Variants in TBC1D4 observed in about 807,000 individuals in gnomAD.
The protein encoded by TBC1D4 is TBC1 domain family member 4, also known as TBC (Tre-2, BUB2, CDC16) domain-containing protein.
Under a neutral mutation model 142.5 loss-of-function variants are expected in TBC1D4, and 121 were observed. The ratio of observed to expected loss-of-function variants is 0.85; its 90% CI spans 0.73 to 0.99. The LOEUF (loss-of-function observed/expected upper bound fraction) is 0.99, where lower values mean the gene tolerates loss of function less well. Ranked by LOEUF, TBC1D4 falls within the 50% of genes least tolerant of loss-of-function variation. The pLI is 0.00. For missense variants in TBC1D4, 1,475 were observed against 1,606.6 expected, an observed-to-expected ratio of 0.92 and a Z score of 1.40; for synonymous variants, 630 against 628.2, an observed-to-expected ratio of 1.00 and a Z score of -0.04.
Position 75,302,305 on chromosome 13 carries a change from A to ATAAACAAC in TBC1D4, c.2848_2849insGTTGTTTA (p.Ile950SerfsTer10). On this transcript the variant is annotated frameshift_variant, in exon 16 of 21. Coordinates refer to ENST00000377636, the MANE Select transcript of TBC1D4 (RefSeq NM_014832.5). LOFTEE classifies it high-confidence loss of function. ...CTGCTTCAAAAGTTCCTTATAGGAT[A>ATAAACAAC]TGTCAGGAGGCTGTTGTTTATTAGG... The ATAAACAAC allele has an allele frequency of 6.2e-7, 1 of 1,614,232 alleles. No homozygotes were observed. The highest frequency in any genetic ancestry group is 8.5e-7 in the Non-Finnish European group (1 of 1,180,048).
intron 3 of TBC1D4, among the ~76,000 whole-genome samples, chr13:75,358,271 C>G (rs548018332): frequency 3.8e-4 from 58 of 152,302 alleles, no homozygotes; most frequent in Admixed American, 1.0e-3. Context: ...GACACCACAG[C>G]CTTAGACACC....
At chr13:75,343,203 T>C (rs1219864672) in intron 5 of TBC1D4, among the ~76,000 whole-genome samples, 5 of 152,234 alleles carry the variant, frequency 3.3e-5, no homozygotes, top group African/African-American at 1.2e-4. Context: ...ATTAAATAAC[T>C]ATCAAGATCT....
At chr13:75,410,708 G>A (rs369019767) in intron 1 of TBC1D4, among the ~76,000 whole-genome samples, 1,917 of 151,866 alleles carry the variant, frequency 0.013, 45 homozygotes, top group African/African-American at 0.043. Flanking sequence ...AGGCCGAGGC[G>A]GGCGGATCAC....
Position 75,306,506 on chromosome 13 carries a change from G to T in TBC1D4, c.2594-35C>A, listed in dbSNP as rs771640992. 1.9e-6 allele frequency: 3 copies of T among 1,610,040 alleles called. No homozygotes were observed. The South Asian group carries it at 3.3e-5, about 18-fold the overall frequency. ...AAAACAATTTACGTAAGACCAATGTGTTTTTCAAATGTAAAACTTTAGACG... is the reference window on the plus strand; with the variant it reads ...AAAACAATTTACGTAAGACCAATGTTTTTTTCAAATGTAAAACTTTAGACG... On this transcript the variant is annotated intron_variant, in intron 14 of 20. Coordinates refer to ENST00000377636, the MANE Select transcript of TBC1D4 (RefSeq NM_014832.5).
chr13:75,326,555 C>T (rs1879285510), intron 9 of TBC1D4, 132 bp from the exon 10 acceptor site: 1 of 928,852 alleles, frequency 1.1e-6, no homozygotes, highest in Non-Finnish European at 1.7e-6. Flanking sequence ...TTTCCTCCCC[C>T]TTTTACTTAA....
intron 4 of TBC1D4, 111 bp downstream of exon 4, chr13:75,356,033 CCTT>C (rs1451632049): frequency 3.8e-6 from 3 of 791,394 alleles, no homozygotes; most frequent in African/African-American, 3.4e-5. Flanking sequence ...TTTCTAGACG[CCTT>C]CTTCTTTTCC....
chr13:75,344,375 T>C (rs536895919), intron 5 of TBC1D4, among the ~76,000 whole-genome samples: 90 of 152,342 alleles, frequency 5.9e-4, no homozygotes, highest in South Asian at 3.7e-3. Context: ...GTCCTCTATG[T>C]TAGTCAAAGA....
At position 75,320,909 on chromosome 13, in the gene TBC1D4, G is replaced by A. The variant is rs551521817; in HGVS notation, c.2199-872C>T. ...AAAAAAATTAGCCGGGCATGGTGGC[G>A]GGCGCCTGTAGTCCCAGCTACTCAG... On this transcript the variant is annotated intron_variant, in intron 11 of 20. Transcript: ENST00000377636. Among the ~76,000 whole-genome samples, 82 of 150,532 alleles carry A rather than the reference G, an allele frequency of 5.4e-4. 1 individual carries two copies. Among genetic ancestry groups the A allele is most frequent in the African/African-American group, 1.7e-3 (69 of 41,058 alleles).
rs558027945 is a variant in TBC1D4, at chr13:75,386,732, A to T, written c.499-24125T>A. On this transcript the variant is annotated intron_variant, in intron 1 of 20. Transcript: ENST00000377636. ...TAAAACCATAAAGACAAGTACAAATAAAAAAAACACTCATCCAGAGAATAC... is the reference window on the plus strand; with the variant it reads ...TAAAACCATAAAGACAAGTACAAATTAAAAAAACACTCATCCAGAGAATAC... Among the ~76,000 whole-genome samples the T allele has an allele frequency of 6.6e-5, 10 of 151,484 alleles. 1 individual carries two copies. In the South Asian group the frequency reaches 8.3e-4, roughly 13 times the overall value.
At chr13:75,315,882 G>C (rs1003478720) in intron 12 of TBC1D4, among the ~76,000 whole-genome samples, 2 of 152,096 alleles carry the variant, frequency 1.3e-5, no homozygotes, top group Non-Finnish European at 2.9e-5. Context: ...TATTGACCAT[G>C]ACAATGTTGT....
intron 1 of TBC1D4, among the ~76,000 whole-genome samples, chr13:75,475,245 T>C (rs1225821798): frequency 6.6e-6 from 1 of 152,230 alleles, no homozygotes; most frequent in Non-Finnish European, 1.5e-5. Flanking sequence ...TTTGTATACA[T>C]ATTTTATGCA....
chr13:75,422,780 G>A (rs1332784850), intron 1 of TBC1D4, among the ~76,000 whole-genome samples: 1 of 152,098 alleles, frequency 6.6e-6, no homozygotes, highest in African/African-American at 2.4e-5. Context: ...ACTTCTAAAT[G>A]TCACAGAATA....
chr13:75,403,810 A>C (rs1347961586), intron 1 of TBC1D4, among the ~76,000 whole-genome samples: 2 of 152,206 alleles, frequency 1.3e-5, no homozygotes, highest in Non-Finnish European at 2.9e-5. Flanking sequence ...AGAAAAACAC[A>C]GGCTCAAGTG....
intron 1 of TBC1D4, among the ~76,000 whole-genome samples, chr13:75,407,076 C>T (rs1384941149): frequency 2.6e-5 from 4 of 152,138 alleles, no homozygotes; most frequent in African/African-American, 9.7e-5. Flanking sequence ...GATCTGCATG[C>T]ATAAGGAGGA....
At chr13:75,371,544 T>C (rs1040545798) in intron 1 of TBC1D4, among the ~76,000 whole-genome samples, 1 of 152,188 alleles carries the variant, frequency 6.6e-6, no homozygotes, top group Non-Finnish European at 1.5e-5. Context: ...AAGATGAGGA[T>C]GGGGAAGAAG....
At chr13:75,430,897 A>G (rs1202001402) in intron 1 of TBC1D4, among the ~76,000 whole-genome samples, 1 of 152,050 alleles carries the variant, frequency 6.6e-6, no homozygotes. Flanking sequence ...TCCACCCACA[A>G]TCTTGCCAGT....
At chr13:75,345,223 G>T (rs1233306491) in intron 5 of TBC1D4, among the ~76,000 whole-genome samples, 2 of 152,144 alleles carry the variant, frequency 1.3e-5, no homozygotes, top group Non-Finnish European at 2.9e-5. Flanking sequence ...AAGAGATTCA[G>T]TTTTTTTCAT....
intron 1 of TBC1D4, among the ~76,000 whole-genome samples, chr13:75,464,252 T>C (rs1436426214): frequency 6.6e-6 from 1 of 152,206 alleles, no homozygotes; most frequent in Non-Finnish European, 1.5e-5. Flanking sequence ...TCTGCAGCAC[T>C]GTGACATGTT....
At position 75,409,426 on chromosome 13, in the gene TBC1D4, G is replaced by A. The variant is rs558467650; in HGVS notation, c.499-46819C>T. 8.4e-4 allele frequency among the ~76,000 whole-genome samples: 128 copies of A among 152,234 alleles called. 1 individual carries two copies. The highest frequency in any genetic ancestry group is 2.9e-3 in the African/African-American group (119 of 41,542). On this transcript the variant is annotated intron_variant, in intron 1 of 20. Transcript: ENST00000377636. ...ATAGGAAAGTAATGGCTGGGTTCAC[G>A]ATTAATCTGTTCTTCCATTTCAGTA...
Sources: gnomAD v4.1 joint callset for allele counts (sites outside exome capture counted in the v4.1 genomes callset) on GRCh38, gnomAD v4.1.1 for gene constraint, MANE v1.5 for transcripts, NCBI Gene and HGNC (gene_info 2026-07-23, HGNC 2026-07-21) for gene names.